Variants in MACROD2 observed in about 807,000 individuals in gnomAD.
The protein encoded by MACROD2 is mono-ADP ribosylhydrolase 2, also known as ADP-ribose glycohydrolase MACROD2.
A neutral mutation model predicts 70.4 loss-of-function variants in MACROD2; 36 were observed. That is an observed-to-expected ratio of 0.51 (90% CI 0.39 to 0.68). The LOEUF (loss-of-function observed/expected upper bound fraction) is 0.68. Among genes scored for constraint, MACROD2 ranks in the 30% least tolerant of loss-of-function variants. MACROD2 has a pLI of 0.00. For missense variants in MACROD2, 496 were observed against 538.4 expected, an observed-to-expected ratio of 0.92 and a Z score of 0.78; for synonymous variants, 172 against 178.8, an observed-to-expected ratio of 0.96 and a Z score of 0.30.
At chr20:14,259,188 G>A (rs932562681) in intron 3 of MACROD2, among the ~76,000 whole-genome samples, 4 of 152,200 alleles carry the variant, frequency 2.6e-5, no homozygotes, top group East Asian at 3.9e-4. Flanking sequence ...TGATCCACCC[G>A]CCTTGGCCTC....
chr20:14,470,713 G>T (rs138781210), intron 3 of MACROD2, among the ~76,000 whole-genome samples: 158 of 152,218 alleles, frequency 1.0e-3, no homozygotes, highest in African/African-American at 3.7e-3. Flanking sequence ...CGGTGGCTTT[G>T]TTTACACTGT....
chr20:15,077,977 G>C (rs1266931595), intron 5 of MACROD2, among the ~76,000 whole-genome samples: 1 of 152,094 alleles, frequency 6.6e-6, no homozygotes, highest in Non-Finnish European at 1.5e-5. Context: ...CTCAATGCGG[G>C]GAAAGGGCCA....
At chr20:15,815,181 T>G (rs1454299549) in intron 8 of MACROD2, among the ~76,000 whole-genome samples, 2 of 152,218 alleles carry the variant, frequency 1.3e-5, no homozygotes, top group Non-Finnish European at 2.9e-5. Context: ...GTGACTCATT[T>G]CTTTAAAAAT....
intron 5 of MACROD2, among the ~76,000 whole-genome samples, chr20:14,863,015 T>G (rs1488188043): frequency 6.6e-6 from 1 of 151,918 alleles, no homozygotes; most frequent in Non-Finnish European, 1.5e-5. Context: ...TCACCTTGCA[T>G]GAAGCCACGC....
At chr20:14,898,136 T>G (rs987967012) in intron 5 of MACROD2, among the ~76,000 whole-genome samples, 4 of 152,126 alleles carry the variant, frequency 2.6e-5, no homozygotes, top group Admixed American at 6.5e-5. Flanking sequence ...AAAAGATAAC[T>G]CTTTTTGAAA....
At chr20:14,992,824 C>G (rs541910716) in intron 5 of MACROD2, among the ~76,000 whole-genome samples, 1 of 150,486 alleles carries the variant, frequency 6.6e-6, no homozygotes, top group Non-Finnish European at 1.5e-5. Flanking sequence ...ATTTGAAAAG[C>G]CTTTTTGCCT....
At chr20:14,821,455 A>G (rs549059837) in intron 5 of MACROD2, among the ~76,000 whole-genome samples, 1 of 152,134 alleles carries the variant, frequency 6.6e-6, no homozygotes, top group East Asian at 1.9e-4. Flanking sequence ...TCTCTGTAAA[A>G]TCCTGGTTTA....
chr20:14,036,216 A>G (rs899086511), intron 2 of MACROD2, among the ~76,000 whole-genome samples: 1 of 151,922 alleles, frequency 6.6e-6, no homozygotes, highest in Non-Finnish European at 1.5e-5. Flanking sequence ...TTTGAATTGT[A>G]TATGAGGTTA....
chr20:15,598,377 C>T lies in MACROD2; in HGVS notation c.645+98530C>T, dbSNP rs1435839356. On this transcript the variant is annotated intron_variant, in intron 8 of 17. Coordinates refer to ENST00000684519, the MANE Select transcript of MACROD2 (RefSeq NM_001351661.2). The stretch of plus-strand genomic sequence containing the variant: ...ATGCCTTTCTCTAAACGCTTTTCTT[C>T]GGGGGATGATGGGAGACAAAATTAA... Among the ~76,000 whole-genome samples the T allele has an allele frequency of 4.6e-5, 7 of 152,182 alleles. No homozygotes were observed. The South Asian group carries it at 8.3e-4, about 18-fold the overall frequency.
At chr20:15,518,775 G>C (rs1568863166) in intron 8 of MACROD2, among the ~76,000 whole-genome samples, 1 of 152,182 alleles carries the variant, frequency 6.6e-6, no homozygotes, top group Non-Finnish European at 1.5e-5. Context: ...GAGGCAGGAG[G>C]ATTGCTTGAG....
chr20:15,438,152 TA>T (rs879831619), intron 7 of MACROD2, among the ~76,000 whole-genome samples: 2,601 of 141,848 alleles, frequency 0.018, 58 homozygotes, highest in African/African-American at 0.056. Context: ...CAAAACTCCG[TA>T]AAAAAAAAAA....
intron 5 of MACROD2, among the ~76,000 whole-genome samples, chr20:14,806,800 T>C (rs113862006): frequency 0.075 from 11,437 of 152,168 alleles, 653 homozygotes; most frequent in African/African-American, 0.15. Context: ...GGTTTTCCCC[T>C]TCACACTGTA....
At chr20:15,130,016 G>A (rs2076093848) in intron 5 of MACROD2, among the ~76,000 whole-genome samples, 1 of 152,008 alleles carries the variant, frequency 6.6e-6, no homozygotes, top group Non-Finnish European at 1.5e-5. Context: ...CCCACCTCCA[G>A]TTTCAGTTTT....
intron 8 of MACROD2, among the ~76,000 whole-genome samples, chr20:15,758,296 T>C (rs2146992995): frequency 6.7e-6 from 1 of 149,172 alleles, no homozygotes; most frequent in South Asian, 2.1e-4. Flanking sequence ...TGGAGTGTAG[T>C]GGCGGGATCT....
intron 12 of MACROD2, among the ~76,000 whole-genome samples, chr20:15,958,787 G>T (rs574737367): frequency 5.6e-4 from 86 of 152,274 alleles, no homozygotes; most frequent in African/African-American, 1.9e-3. Flanking sequence ...GGTTATGAGG[G>T]TTGGTCCCCA....
chr20:14,194,647 G>GA (rs1277077281), intron 3 of MACROD2, among the ~76,000 whole-genome samples: 1 of 152,118 alleles, frequency 6.6e-6, no homozygotes, highest in African/African-American at 2.4e-5. Context: ...GATGGAGCGG[G>GA]GATAAGTGTG....
At chr20:15,855,456 C>T (rs960313783) in intron 8 of MACROD2, among the ~76,000 whole-genome samples, 1 of 152,024 alleles carries the variant, frequency 6.6e-6, no homozygotes, top group African/African-American at 2.4e-5. Flanking sequence ...TTTTTTCAAC[C>T]CTGAGGTCAA....
intron 5 of MACROD2, among the ~76,000 whole-genome samples, chr20:14,720,764 G>A (rs1258355968): frequency 6.6e-6 from 1 of 151,488 alleles, no homozygotes; most frequent in African/African-American, 2.4e-5. Context: ...ATGTTGGCCA[G>A]GATGGTCTCA....
Position 15,553,993 on chromosome 20 carries a change from T to C in MACROD2, c.645+54146T>C, listed in dbSNP as rs553444446. ...TTTCACATGGCCACTCTGCAGACACTAGGAAGAATGGATCAAAGCCAGCAA... is the reference window on the plus strand; with the variant it reads ...TTTCACATGGCCACTCTGCAGACACCAGGAAGAATGGATCAAAGCCAGCAA... On this transcript the variant is annotated intron_variant, in intron 8 of 17. Coordinates refer to ENST00000684519, the MANE Select transcript of MACROD2 (RefSeq NM_001351661.2). 2.0e-5 allele frequency among the ~76,000 whole-genome samples: 3 copies of C among 152,040 alleles called. No homozygotes were observed. In the South Asian group the frequency reaches 6.2e-4, roughly 32 times the overall value.
Sources: gnomAD v4.1 joint callset for allele counts (sites outside exome capture counted in the v4.1 genomes callset) on GRCh38, gnomAD v4.1.1 for gene constraint, MANE v1.5 for transcripts, NCBI Gene and HGNC (gene_info 2026-07-23, HGNC 2026-07-21) for gene names.